Variants in CNTNAP2 observed in about 807,000 individuals in gnomAD.
CNTNAP2 encodes the protein contactin-associated protein-like 2.
In CNTNAP2, 98 loss-of-function variants were observed where a neutral mutation model predicts 155.2. The ratio of observed to expected loss-of-function variants is 0.63; its 90% CI spans 0.54 to 0.75. The LOEUF (loss-of-function observed/expected upper bound fraction) is 0.75. Ranked by LOEUF, CNTNAP2 falls within the 30% of genes least tolerant of loss-of-function variation. The pLI, the probability that CNTNAP2 is intolerant of heterozygous loss-of-function variation, is 0.00. For synonymous variants in CNTNAP2, 651 were observed against 631.2 expected, an observed-to-expected ratio of 1.03 and a Z score of -0.47; for missense variants, 1,727 against 1,688.1, an observed-to-expected ratio of 1.02 and a Z score of -0.40.
chr7:147,303,955 A>G (rs893002114), intron 9 of CNTNAP2, among the ~76,000 whole-genome samples: 3 of 152,208 alleles, frequency 2.0e-5, no homozygotes, highest in African/African-American at 4.8e-5. Context: ...TTTCCTGCTC[A>G]CTGAAAGCCT....
intron 4 of CNTNAP2, among the ~76,000 whole-genome samples, chr7:147,098,536 T>C (rs1194247135): frequency 2.0e-5 from 3 of 152,330 alleles, no homozygotes; most frequent in East Asian, 1.9e-4. Flanking sequence ...AGTCCAGAAG[T>C]TGATCTTAGA....
intron 4 of CNTNAP2, among the ~76,000 whole-genome samples, chr7:147,106,168 G>T (rs532783758): frequency 6.6e-6 from 1 of 152,154 alleles, no homozygotes; most frequent in African/African-American, 2.4e-5. Flanking sequence ...ATATGCTAAA[G>T]GTGTATAAAA....
intron 1 of CNTNAP2, among the ~76,000 whole-genome samples, chr7:146,335,612 T>C (rs923884553): frequency 1.6e-4 from 25 of 152,206 alleles, no homozygotes; most frequent in Admixed American, 1.6e-3. Flanking sequence ...GAGAAAGGTC[T>C]AATAGAAGCA....
chr7:147,562,021 C>T, intron 11 of CNTNAP2, 117 bp from the exon 12 acceptor site: 1 of 1,339,902 alleles, frequency 7.5e-7, no homozygotes, highest in Non-Finnish European at 1.1e-6. Context: ...ACGCTCTTTC[C>T]AGGAAGAACT....
intron 13 of CNTNAP2, among the ~76,000 whole-genome samples, chr7:147,803,678 C>G (rs1342839170): frequency 6.6e-6 from 1 of 152,196 alleles, no homozygotes; most frequent in Non-Finnish European, 1.5e-5. Context: ...TTGTTTCCAT[C>G]CACTCCATTT....
chr7:147,554,100 T>G (rs559958548), intron 11 of CNTNAP2, among the ~76,000 whole-genome samples: 1 of 152,308 alleles, frequency 6.6e-6, no homozygotes, highest in East Asian at 1.9e-4. Context: ...CCAGACCCAT[T>G]AAATTGAGGA....
intron 4 of CNTNAP2, among the ~76,000 whole-genome samples, chr7:147,049,151 T>TC (rs1484650348): frequency 6.6e-5 from 10 of 152,278 alleles, no homozygotes; most frequent in African/African-American, 2.4e-4. Context: ...GTCTTAAAAG[T>TC]CCCACCTCTC....
At chr7:147,242,922 A>C (rs190344027) in intron 8 of CNTNAP2, among the ~76,000 whole-genome samples, 1 of 144,550 alleles carries the variant, frequency 6.9e-6, no homozygotes, top group East Asian at 2.1e-4. Context: ...TATGTACTTT[A>C]ACATGTTTTG....
intron 15 of CNTNAP2, among the ~76,000 whole-genome samples, chr7:148,009,353 A>T (rs193000924): frequency 1.3e-5 from 2 of 152,340 alleles, no homozygotes; most frequent in East Asian, 3.9e-4. Context: ...TACTGAATGC[A>T]TATGGCTTTT....
chr7:147,250,336 AT>A (rs2116657316), intron 8 of CNTNAP2, among the ~76,000 whole-genome samples: 1 of 152,136 alleles, frequency 6.6e-6, no homozygotes, highest in South Asian at 2.1e-4. Flanking sequence ...CCCTTTTTGG[AT>A]CTCTTTCACC....
chr7:148,250,711 C>T (rs569853143), intron 20 of CNTNAP2, among the ~76,000 whole-genome samples: 11 of 152,340 alleles, frequency 7.2e-5, no homozygotes, highest in South Asian at 2.1e-4. Flanking sequence ...CACGAGAGAT[C>T]GGGGTCTGTC....
intron 1 of CNTNAP2, among the ~76,000 whole-genome samples, chr7:146,505,232 C>CA (rs1211931924): frequency 6.6e-6 from 1 of 152,194 alleles, no homozygotes; most frequent in Non-Finnish European, 1.5e-5. Context: ...AAGGGTGGTG[C>CA]AGATCCAACG....
At chr7:148,332,807 G>T (rs758290831) in intron 21 of CNTNAP2, among the ~76,000 whole-genome samples, 61 of 152,228 alleles carry the variant, frequency 4.0e-4, no homozygotes, top group Non-Finnish European at 7.4e-5. Context: ...AGGGCTCCAC[G>T]CTGGAAACGG....
At chr7:147,314,598 T>C (rs1795192076) in intron 9 of CNTNAP2, among the ~76,000 whole-genome samples, 1 of 148,162 alleles carries the variant, frequency 6.7e-6, no homozygotes, top group East Asian at 2.0e-4. Flanking sequence ...CATTGGACTA[T>C]ATGGTATTAT....
At chr7:147,495,739 C>T (rs575304984) in intron 11 of CNTNAP2, among the ~76,000 whole-genome samples, 2 of 152,178 alleles carry the variant, frequency 1.3e-5, no homozygotes, top group Non-Finnish European at 2.9e-5. Flanking sequence ...TGCTATTCTT[C>T]ATAAGTCATT....
At chr7:146,796,237 G>A (rs1031541976) in intron 2 of CNTNAP2, among the ~76,000 whole-genome samples, 16 of 152,194 alleles carry the variant, frequency 1.1e-4, no homozygotes, top group African/African-American at 3.9e-4. Flanking sequence ...TATGCTTGCT[G>A]TGCAGTAACA....
chr7:147,300,447 A>T (rs1219949264), intron 9 of CNTNAP2, among the ~76,000 whole-genome samples, 157 bp downstream of exon 9: 2 of 152,204 alleles, frequency 1.3e-5, no homozygotes, highest in African/African-American at 2.4e-5. Context: ...AAAAAAGAAA[A>T]GGAAAAATTT....
chr7:146,767,814 A>G (rs1802223510), intron 1 of CNTNAP2, among the ~76,000 whole-genome samples: 1 of 152,146 alleles, frequency 6.6e-6, no homozygotes, highest in South Asian at 2.1e-4. Flanking sequence ...AAACAGGAAA[A>G]GGACTTTTGA....
intron 3 of CNTNAP2, among the ~76,000 whole-genome samples, chr7:146,970,096 C>T (rs1415257737): frequency 6.6e-6 from 1 of 152,126 alleles, no homozygotes; most frequent in Non-Finnish European, 1.5e-5. Context: ...AGACCTAAAA[C>T]CATAAAAACC....
Sources: allele counts gnomAD v4.1 joint callset (sites outside exome capture counted in the v4.1 genomes callset), GRCh38; gene constraint gnomAD v4.1.1; transcripts MANE v1.5; gene names NCBI Gene and HGNC (gene_info 2026-07-23, HGNC 2026-07-21).